CNNM2: variants seen among roughly 807,000 people sequenced by gnomAD.
CNNM2 encodes cyclin and CBS domain divalent metal cation transport mediator 2.
CNNM2 carries 12 observed loss-of-function variants against 66.9 expected under a neutral mutation model. The observed-to-expected ratio is 0.18, with a 90% CI of 0.11 to 0.29. The LOEUF (loss-of-function observed/expected upper bound fraction) is 0.29, where lower values mean the gene tolerates loss of function less well. CNNM2 is among the 10% of genes least tolerant of loss of function. The pLI is 1.00. For missense variants in CNNM2, 705 were observed against 1,167.7 expected (o/e 0.60, Z 5.77); for synonymous variants, 557 against 501.8 (o/e 1.11, Z -1.47).
Position 103,046,433 on chromosome 10 carries a change from C to G in CNNM2, c.1622-3274C>G, listed in dbSNP as rs1422661566. Among the ~76,000 whole-genome samples the G allele has an allele frequency of 4.6e-5, 7 of 152,258 alleles. No individual in the cohort carries two copies. The East Asian group carries it at 1.4e-3, about 29-fold the overall frequency. Reference sequence around the variant, plus strand: ...AGGTCATCACCAAGGTCTGATTTTTCACAAAAACTTGCAACCTGTGACATA... The same window carrying G: ...AGGTCATCACCAAGGTCTGATTTTTGACAAAAACTTGCAACCTGTGACATA... On this transcript the variant is annotated intron_variant, in intron 1 of 7. Coordinates refer to ENST00000369878, the MANE Select transcript of CNNM2 (RefSeq NM_017649.5).
At position 103,080,861 on chromosome 10, in the gene CNNM2, G is replaced by C. The variant is rs750570611; in HGVS notation, c.*3681G>C. The stretch of plus-strand genomic sequence containing the variant: ...ACTTCTGCCCTCAAATTCTCTCTTT[G>C]GGTTGAGGAGCAGACCTGTATAGGC... On this transcript the variant is annotated 3_prime_UTR_variant, in exon 8 of 8. Transcript: ENST00000369878. 2 of 152,222 alleles carry C rather than the reference G, an allele frequency of 1.3e-5. No individual in the cohort carries two copies. The highest frequency in any genetic ancestry group is 2.9e-5 in the Non-Finnish European group (2 of 68,032). 9.4% of individuals were successfully genotyped at this position (152,222 alleles called of 1,614,324 possible).
intron 1 of CNNM2, among the ~76,000 whole-genome samples, chr10:102,966,478 A>G (rs562231759): frequency 6.6e-6 from 1 of 152,216 alleles, no homozygotes; most frequent in Non-Finnish European, 1.5e-5. Flanking sequence ...AATATACAAA[A>G]CAGCCGGGCT....
At chr10:102,959,907 C>T (rs894496273) in intron 1 of CNNM2, among the ~76,000 whole-genome samples, 1 of 151,960 alleles carries the variant, frequency 6.6e-6, no homozygotes, top group African/African-American at 2.4e-5. Flanking sequence ...AAAAAATTAG[C>T]CGGGCATGGT....
chr10:102,992,072 C>T (rs2063908601), intron 1 of CNNM2, among the ~76,000 whole-genome samples: 2 of 151,848 alleles, frequency 1.3e-5, no homozygotes, highest in South Asian at 4.2e-4. Flanking sequence ...TATTAAAATC[C>T]CTGAGCAAAC....
At chr10:103,017,384 G>C (rs189352976) in intron 1 of CNNM2, among the ~76,000 whole-genome samples, 37 of 152,304 alleles carry the variant, frequency 2.4e-4, no homozygotes, top group Non-Finnish European at 4.9e-4. Flanking sequence ...CTTGGTTTCA[G>C]TATCTAAGTG....
intron 1 of CNNM2, among the ~76,000 whole-genome samples, chr10:102,995,022 C>T (rs1399451570): frequency 6.6e-6 from 1 of 151,840 alleles, no homozygotes; most frequent in Non-Finnish European, 1.5e-5. Context: ...AACCCTATCC[C>T]CTATATTATG....
intron 1 of CNNM2, among the ~76,000 whole-genome samples, chr10:102,966,539 A>G (rs1012274057): frequency 6.6e-6 from 1 of 152,158 alleles, no homozygotes; most frequent in African/African-American, 2.4e-5. Context: ...AGGCAGGAGA[A>G]TTGCTTGAAC....
chr10:103,068,811 C>T, intron 5 of CNNM2, 89 bp downstream of exon 5: 3 of 1,035,594 alleles, frequency 2.9e-6, no homozygotes, highest in Non-Finnish European at 4.3e-6. Context: ...TATCTGCCAG[C>T]TGACCCCATT....
At chr10:103,022,361 T>G (rs1024428853) in intron 1 of CNNM2, among the ~76,000 whole-genome samples, 1 of 152,242 alleles carries the variant, frequency 6.6e-6, no homozygotes, top group African/African-American at 2.4e-5. Context: ...CTTTTTTTCC[T>G]GTGTTTAAAC....
At chr10:102,960,012 A>G (rs1259401390) in intron 1 of CNNM2, among the ~76,000 whole-genome samples, 2 of 151,932 alleles carry the variant, frequency 1.3e-5, no homozygotes, top group African/African-American at 4.8e-5. Flanking sequence ...AGATCACACC[A>G]CCCCACTCCA....
chr10:102,937,567 T>C (rs1343724523), intron 1 of CNNM2, among the ~76,000 whole-genome samples: 1 of 152,152 alleles, frequency 6.6e-6, no homozygotes, highest in Non-Finnish European at 1.5e-5. Flanking sequence ...AAAAGGAGTG[T>C]TCTGAACCAC....
chr10:103,028,943 C>T (rs2064767346), intron 1 of CNNM2, among the ~76,000 whole-genome samples: 1 of 149,388 alleles, frequency 6.7e-6, no homozygotes, highest in African/African-American at 2.5e-5. Flanking sequence ...ATGTCTCAGT[C>T]TCCCAAGTAG....
chr10:103,017,963 C>CAAAAAAAAAA lies in CNNM2; in HGVS notation c.1622-31735_1622-31726dup, dbSNP rs59984156. On this transcript the variant is annotated intron_variant, in intron 1 of 7. Coordinates refer to ENST00000369878, the MANE Select transcript of CNNM2 (RefSeq NM_017649.5). ...TGGGGGACAGAGCAAGAATCTGTCT[C>CAAAAAAAAAA]AAAAAAAAAAAAAAAAAAGGCAAGC... 2.5e-3 allele frequency among the ~76,000 whole-genome samples: 198 copies of CAAAAAAAAAA among 78,824 alleles called. 11 individuals are homozygous for CAAAAAAAAAA. Among genetic ancestry groups the CAAAAAAAAAA allele is most frequent in the African/African-American group, 8.7e-3 (147 of 16,886 alleles). 51.7% of individuals were successfully genotyped at this position (78,824 alleles called of 152,430 possible).
intron 1 of CNNM2, 55 bp downstream of exon 1, chr10:102,920,156 C>T (rs1845566956): frequency 6.2e-7 from 1 of 1,613,594 alleles, no homozygotes; most frequent in Non-Finnish European, 8.5e-7. Context: ...CATCCTCCTC[C>T]CTACTTGAGT....
At chr10:102,993,571 C>T (rs963949397) in intron 1 of CNNM2, among the ~76,000 whole-genome samples, 6 of 151,890 alleles carry the variant, frequency 4.0e-5, no homozygotes, top group Admixed American at 3.3e-4. Context: ...GGATTGTTTC[C>T]TCCTATTGTT....
intron 5 of CNNM2, among the ~76,000 whole-genome samples, chr10:103,071,257 C>T (rs1265616562): frequency 6.6e-6 from 1 of 152,148 alleles, no homozygotes; most frequent in Non-Finnish European, 1.5e-5. Flanking sequence ...TCTGTGTATG[C>T]GTTCTTTACT....
chr10:102,956,021 C>G (rs1847020898), intron 1 of CNNM2, among the ~76,000 whole-genome samples: 2 of 152,202 alleles, frequency 1.3e-5, no homozygotes. Flanking sequence ...GGCATGGTGG[C>G]TCACGCCTGT....
chr10:102,962,325 A>C (rs1173893702), intron 1 of CNNM2, among the ~76,000 whole-genome samples: 1 of 152,226 alleles, frequency 6.6e-6, no homozygotes, highest in African/African-American at 2.4e-5. Context: ...TGGAAACGTA[A>C]AATAAAATTA....
intron 1 of CNNM2, among the ~76,000 whole-genome samples, chr10:103,032,524 G>A (rs1296961881): frequency 6.6e-6 from 1 of 152,052 alleles, no homozygotes; most frequent in Non-Finnish European, 1.5e-5. Flanking sequence ...GAATGCCACT[G>A]TTAACATTTG....
Sources: allele counts gnomAD v4.1 joint callset (sites outside exome capture counted in the v4.1 genomes callset), GRCh38; gene constraint gnomAD v4.1.1; transcripts MANE v1.5; gene names NCBI Gene and HGNC (gene_info 2026-07-23, HGNC 2026-07-21).